Variants in SNX29 observed in about 807,000 individuals in gnomAD.
The protein encoded by SNX29 is sorting nexin-29.
In SNX29, 78 loss-of-function variants were observed where a neutral mutation model predicts 102.1. The observed-to-expected ratio is 0.76, with a 90% CI of 0.64 to 0.92. The LOEUF (loss-of-function observed/expected upper bound fraction) is 0.92, where lower values mean the gene tolerates loss of function less well. SNX29 is among the 40% of genes least tolerant of loss of function. SNX29 has a pLI of 0.00. For missense variants in SNX29, 1,280 were observed against 1,061.7 expected (o/e 1.21, Z -2.86); for synonymous variants, 580 against 414.5 (o/e 1.40, Z -4.85).
chr16:12,526,640 G>T (rs1334583675), intron 20 of SNX29: 6 of 527,754 alleles, frequency 1.1e-5, no homozygotes, highest in South Asian at 9.4e-5. Flanking sequence ...CAGGGTGCAC[G>T]GGGGAATTAG....
chr16:12,098,846 C>A lies in SNX29; in HGVS notation c.1402+19931C>A, dbSNP rs1002141599. Among the ~76,000 whole-genome samples the A allele has an allele frequency of 6.6e-6, 1 of 152,348 alleles. No individual in the cohort carries two copies. Among genetic ancestry groups the A allele is most frequent in the South Asian group, 2.1e-4 (1 of 4,828 alleles). ...GACCCCCCTCAGGGCAGTTCCTGAG[C>A]ACACCTTGTGGGGAGGTGAACAGGT... is the stretch of plus-strand genomic sequence containing the variant. On this transcript the variant is annotated intron_variant, in intron 11 of 20. Transcript: ENST00000566228. This position sits in a 1 kb window ranked among gnomAD's most constrained non-coding sequence, Gnocchi z 6.0.
intron 3 of SNX29, among the ~76,000 whole-genome samples, chr16:12,026,725 ATATTAT>A (rs769416340): frequency 6.6e-6 from 1 of 152,336 alleles, no homozygotes; most frequent in East Asian, 1.9e-4. Flanking sequence ...ATCAGAATTC[ATATTAT>A]TATTATTTTT....
At chr16:12,023,571 C>T (rs910024281) in intron 3 of SNX29, among the ~76,000 whole-genome samples, 3 of 146,728 alleles carry the variant, frequency 2.0e-5, no homozygotes, top group Non-Finnish European at 4.5e-5. Context: ...GAGCAAGACC[C>T]TGTCTCAAAA....
At chr16:12,158,809 G>T (rs1567262418) in intron 13 of SNX29, among the ~76,000 whole-genome samples, 2 of 152,224 alleles carry the variant, frequency 1.3e-5, no homozygotes, top group Non-Finnish European at 2.9e-5. Context: ...CGGATATGGG[G>T]ATTGAGTGAA....
intron 13 of SNX29, among the ~76,000 whole-genome samples, chr16:12,150,303 A>G (rs2055244785): frequency 6.6e-6 from 1 of 152,156 alleles, no homozygotes; most frequent in Non-Finnish European, 1.5e-5. Flanking sequence ...GCTTCTAGAG[A>G]GAGAGACTGG....
intron 20 of SNX29, among the ~76,000 whole-genome samples, chr16:12,562,456 C>A (rs932814871): frequency 6.6e-6 from 1 of 152,162 alleles, no homozygotes; most frequent in Non-Finnish European, 1.5e-5. Flanking sequence ...GACTTTGATC[C>A]CCCTTCATAG....
intron 20 of SNX29, among the ~76,000 whole-genome samples, chr16:12,563,584 A>C (rs1447236517): frequency 6.8e-6 from 1 of 146,492 alleles, no homozygotes; most frequent in Non-Finnish European, 1.5e-5. Context: ...GTGGTGGCTT[A>C]GGCCTCCATG....
chr16:12,126,626 C>G lies in SNX29; in HGVS notation c.1403-7C>G, dbSNP rs201263403. The G allele has an allele frequency of 8.1e-5, 131 of 1,613,858 alleles. No individual in the cohort carries two copies. The African/African-American group carries it at 1.4e-3, about 18-fold the overall frequency. ...CAATTAATCTTGACTTTGTTTTCTT[C>G]CCTTAGGTGAACTGCGCCAGGCCAC... is the stretch of plus-strand genomic sequence containing the variant. On this transcript the variant is annotated splice_polypyrimidine_tract_variant and splice_region_variant and intron_variant, in intron 11 of 20. Transcript: ENST00000566228.
chr16:11,997,246 G>T (rs181304047), intron 1 of SNX29, among the ~76,000 whole-genome samples: 1 of 152,086 alleles, frequency 6.6e-6, no homozygotes, highest in East Asian at 1.9e-4. Context: ...TCCTACCTCC[G>T]AGCCTCTCCC....
chr16:12,022,190 G>C (rs556910875), intron 3 of SNX29, among the ~76,000 whole-genome samples: 80 of 141,448 alleles, frequency 5.7e-4, no homozygotes, highest in African/African-American at 2.0e-3. Flanking sequence ...TTTCAATTCA[G>C]TGATTTTTGT....
At chr16:12,029,481 T>C (rs1391730855) in intron 4 of SNX29, 20 of 449,186 alleles carry the variant, frequency 4.5e-5, no homozygotes, top group Non-Finnish European at 7.5e-5. Context: ...AAGTAGCCAG[T>C]ACAGAATACA....
chr16:12,420,851 TG>T (rs1163320658), intron 18 of SNX29, among the ~76,000 whole-genome samples: 2 of 152,126 alleles, frequency 1.3e-5, no homozygotes, highest in East Asian at 3.9e-4. Flanking sequence ...ATGTCCGCCC[TG>T]GGGGAAGTGA....
At chr16:12,076,160 T>C (rs1596786730) in intron 10 of SNX29, among the ~76,000 whole-genome samples, 13 of 152,146 alleles carry the variant, frequency 8.5e-5, no homozygotes, top group Admixed American at 8.5e-4. Context: ...TGGTGCATGG[T>C]GCGCTGCACC....
chr16:12,323,986 T>G (rs748986388), intron 15 of SNX29, among the ~76,000 whole-genome samples: 3 of 152,194 alleles, frequency 2.0e-5, no homozygotes, highest in Non-Finnish European at 4.4e-5. Context: ...TGTTCTGTGA[T>G]CAAACTGATC....
chr16:12,251,182 C>G (rs144621787), intron 14 of SNX29, among the ~76,000 whole-genome samples: 159 of 152,358 alleles, frequency 1.0e-3, no homozygotes, highest in African/African-American at 3.7e-3. Context: ...CTTGTAAAGT[C>G]TGTGCCTCAC....
chr16:12,011,832 G>A (rs1477475583), intron 3 of SNX29, among the ~76,000 whole-genome samples: 5 of 152,020 alleles, frequency 3.3e-5, no homozygotes, highest in East Asian at 1.9e-4. Flanking sequence ...TTTAAACCTC[G>A]CATGCACCAT....
At chr16:12,540,813 G>A (rs967860824) in intron 20 of SNX29, among the ~76,000 whole-genome samples, 1 of 152,184 alleles carries the variant, frequency 6.6e-6, no homozygotes, top group Non-Finnish European at 1.5e-5. Context: ...TGAGGCATGA[G>A]AGAAGGGGCA....
intron 19 of SNX29, among the ~76,000 whole-genome samples, chr16:12,482,373 C>T (rs1326667027): frequency 6.6e-6 from 1 of 152,062 alleles, no homozygotes; most frequent in Non-Finnish European, 1.5e-5. Context: ...GCAATTGTAG[C>T]TCACCGCAGC....
intron 14 of SNX29, among the ~76,000 whole-genome samples, chr16:12,242,577 C>T (rs2078140276): frequency 6.6e-6 from 1 of 151,270 alleles, no homozygotes; most frequent in East Asian, 1.9e-4. Context: ...TTTTCTTCTT[C>T]TTTTCTTCTT....
Sources: allele counts gnomAD v4.1 joint callset (sites outside exome capture counted in the v4.1 genomes callset), GRCh38; gene constraint gnomAD v4.1.1; non-coding constraint Gnocchi (gnomAD v3.1); transcripts MANE v1.5; gene names NCBI Gene and HGNC (gene_info 2026-07-23, HGNC 2026-07-21).